The following MACROD2 variants were observed in gnomAD, a reference collection of about 807,000 sequenced individuals.
The protein encoded by MACROD2 is mono-ADP ribosylhydrolase 2.
MACROD2 carries 36 observed loss-of-function variants against 70.4 expected under a neutral mutation model. That is an observed-to-expected ratio of 0.51 (90% CI 0.39 to 0.68). The LOEUF (loss-of-function observed/expected upper bound fraction) is 0.68, where lower values mean the gene tolerates loss of function less well. Among genes scored for constraint, MACROD2 ranks in the 30% least tolerant of loss-of-function variants. MACROD2 has a pLI of 0.00. For missense variants in MACROD2, 496 were observed against 538.4 expected, an observed-to-expected ratio of 0.92 and a Z score of 0.78; for synonymous variants, 172 against 178.8, an observed-to-expected ratio of 0.96 and a Z score of 0.30.
intron 8 of MACROD2, among the ~76,000 whole-genome samples, chr20:15,827,997 C>T (rs920510956): frequency 1.3e-5 from 2 of 152,074 alleles, no homozygotes; most frequent in African/African-American, 4.8e-5. Context: ...TTGTACATTA[C>T]CAGAGAAAAT....
chr20:14,668,727 T>C (rs928973982), intron 4 of MACROD2, among the ~76,000 whole-genome samples: 6 of 152,170 alleles, frequency 3.9e-5, no homozygotes, highest in African/African-American at 1.4e-4. Context: ...CAGTATAGAT[T>C]AAAATTTTTT....
intron 5 of MACROD2, among the ~76,000 whole-genome samples, chr20:14,826,647 A>G (rs988728049): frequency 2.6e-5 from 4 of 151,988 alleles, no homozygotes; most frequent in Admixed American, 6.6e-5. Flanking sequence ...AAAACATTCA[A>G]CTGCTTCTTT....
chr20:15,310,352 T>G (rs993955406), intron 6 of MACROD2, among the ~76,000 whole-genome samples: 3 of 152,124 alleles, frequency 2.0e-5, no homozygotes, highest in African/African-American at 7.2e-5. Flanking sequence ...GGTGTAGATT[T>G]CATGCGTCTG....
At chr20:15,041,336 C>A (rs1278883821) in intron 5 of MACROD2, among the ~76,000 whole-genome samples, 1 of 152,132 alleles carries the variant, frequency 6.6e-6, no homozygotes, top group Non-Finnish European at 1.5e-5. Flanking sequence ...AGCAAAACTT[C>A]AATTGCCCAC....
intron 3 of MACROD2, among the ~76,000 whole-genome samples, chr20:14,239,553 A>G (rs2081910866): frequency 6.6e-6 from 1 of 152,202 alleles, no homozygotes; most frequent in African/African-American, 2.4e-5. Context: ...GAGACCTGAA[A>G]TAATGCCATA....
At chr20:15,338,548 G>A (rs2078074153) in intron 6 of MACROD2, among the ~76,000 whole-genome samples, 1 of 151,588 alleles carries the variant, frequency 6.6e-6, no homozygotes, top group South Asian at 2.1e-4. Flanking sequence ...AAGCATCACT[G>A]ACATTTATCT....
intron 5 of MACROD2, among the ~76,000 whole-genome samples, chr20:14,794,488 G>T (rs1209455520): frequency 1.3e-5 from 2 of 151,906 alleles, no homozygotes; most frequent in South Asian, 4.2e-4. Flanking sequence ...TTGTATATGA[G>T]GTTAAACATT....
intron 8 of MACROD2, among the ~76,000 whole-genome samples, chr20:15,817,502 G>C (rs2063889724): frequency 6.6e-6 from 1 of 152,146 alleles, no homozygotes; most frequent in African/African-American, 2.4e-5. Flanking sequence ...AGCTTGAATG[G>C]TATCTAATGA....
chr20:15,295,644 A>C (rs1251070029), intron 6 of MACROD2, among the ~76,000 whole-genome samples: 5 of 137,260 alleles, frequency 3.6e-5, no homozygotes, highest in Admixed American at 7.2e-5. Flanking sequence ...CACACCCCAG[A>C]CCTTAAGTGT....
At position 14,383,610 on chromosome 20, in the gene MACROD2, G is replaced by A. The variant is rs553578790; in HGVS notation, c.272-109869G>A. ...GTTCTAGAATGACATAGTTGGCTAT[G>A]TAAATCAGTTTGCCTGATTTATCAT... On this transcript the variant is annotated intron_variant, in intron 3 of 17. Transcript: ENST00000684519. 2.0e-5 allele frequency among the ~76,000 whole-genome samples: 3 copies of A among 152,282 alleles called. No homozygotes were observed. The South Asian group carries it at 6.2e-4, about 32-fold the overall frequency.
At chr20:14,222,515 C>A (rs1419802798) in intron 3 of MACROD2, among the ~76,000 whole-genome samples, 1 of 152,010 alleles carries the variant, frequency 6.6e-6, no homozygotes, top group Non-Finnish European at 1.5e-5. Context: ...GGGTGGATGA[C>A]TGGGAGTTAC....
intron 6 of MACROD2, among the ~76,000 whole-genome samples, chr20:15,286,591 G>T (rs193064168): frequency 3.0e-4 from 45 of 151,144 alleles, no homozygotes; most frequent in Non-Finnish European, 5.6e-4. Flanking sequence ...GGAGACGAGG[G>T]CTACAAAGAT....
chr20:15,948,022 G>A (rs777212685), intron 12 of MACROD2, among the ~76,000 whole-genome samples: 16 of 152,034 alleles, frequency 1.1e-4, no homozygotes, highest in Admixed American at 2.0e-4. Context: ...CAGTTAGAGC[G>A]GTCATTGGCC....
chr20:15,637,905 G>A lies in MACROD2; in HGVS notation c.645+138058G>A, dbSNP rs1003152304. 2.0e-5 allele frequency among the ~76,000 whole-genome samples: 3 copies of A among 152,254 alleles called. No homozygotes were observed. The East Asian group carries it at 5.8e-4, about 29-fold the overall frequency. On this transcript the variant is annotated intron_variant, in intron 8 of 17. Coordinates refer to ENST00000684519, the MANE Select transcript of MACROD2 (RefSeq NM_001351661.2). ...TGCCTTTGCCTAATAAGTAACTAAA[G>A]TTTACATAAAGACTTGGCTTACTTT...
intron 6 of MACROD2, among the ~76,000 whole-genome samples, chr20:15,241,261 A>G (rs2077057383): frequency 6.6e-6 from 1 of 152,200 alleles, no homozygotes; most frequent in African/African-American, 2.4e-5. Flanking sequence ...AGCAACTATT[A>G]TGTTTCAATC....
chr20:15,100,631 C>G (rs2075865024), intron 5 of MACROD2, among the ~76,000 whole-genome samples: 1 of 152,090 alleles, frequency 6.6e-6, no homozygotes, highest in Admixed American at 6.5e-5. Context: ...AAGGAGAAGA[C>G]AGAAGTAAGT....
At chr20:14,473,162 C>T (rs183098478) in intron 3 of MACROD2, among the ~76,000 whole-genome samples, 5 of 152,134 alleles carry the variant, frequency 3.3e-5, no homozygotes, top group African/African-American at 9.6e-5. Context: ...TATTCAAAAT[C>T]CCATATTCTA....
At chr20:15,603,322 A>G (rs753336703) in intron 8 of MACROD2, among the ~76,000 whole-genome samples, 14 of 151,042 alleles carry the variant, frequency 9.3e-5, no homozygotes, top group Admixed American at 2.0e-4. Flanking sequence ...AACTGGTGAA[A>G]CCCCATCTCT....
intron 8 of MACROD2, among the ~76,000 whole-genome samples, chr20:15,570,627 T>C (rs751635478): frequency 6.6e-6 from 1 of 152,198 alleles, no homozygotes; most frequent in African/African-American, 2.4e-5. Flanking sequence ...CTTTCACTAT[T>C]GTGTTGTTCT....
Sources: allele counts gnomAD v4.1 joint callset (sites outside exome capture counted in the v4.1 genomes callset), GRCh38; gene constraint gnomAD v4.1.1; transcripts MANE v1.5; gene names NCBI Gene and HGNC (gene_info 2026-07-23, HGNC 2026-07-21).